Variants in RBFOX1 observed in about 807,000 individuals in gnomAD.
RBFOX1 encodes RNA binding protein fox-1 homolog 1.
In RBFOX1, 8 loss-of-function variants were observed where a neutral mutation model predicts 57.7. The observed-to-expected ratio is 0.14, with a 90% CI of 0.08 to 0.25. RBFOX1 has a LOEUF of 0.25. RBFOX1 is among the 10% of genes least tolerant of loss of function. The probability of loss-of-function intolerance (pLI) is 1.00; values close to 1 mark genes in which losing one functional copy is unlikely to be tolerated. For missense variants in RBFOX1, 611 were observed against 548.5 expected (o/e 1.11, Z -1.14); for synonymous variants, 326 against 222.4 (o/e 1.47, Z -4.15).
chr16:7,361,351 C>T (rs998023328), intron 4 of RBFOX1, among the ~76,000 whole-genome samples: 2 of 152,204 alleles, frequency 1.3e-5, no homozygotes, highest in African/African-American at 2.4e-5. Flanking sequence ...GAAAGCTTTG[C>T]ATTAAGCAGA....
intron 1 of RBFOX1, among the ~76,000 whole-genome samples, chr16:6,023,490 C>G (rs1456274907): frequency 6.6e-6 from 1 of 152,170 alleles, no homozygotes; most frequent in Non-Finnish European, 1.5e-5. Flanking sequence ...TTTCACCTTT[C>G]CAAAAATTAG....
chr16:6,566,888 C>T (rs1287776404), intron 2 of RBFOX1, among the ~76,000 whole-genome samples: 3 of 152,138 alleles, frequency 2.0e-5, no homozygotes, highest in African/African-American at 4.8e-5. Flanking sequence ...ATATTTTCCC[C>T]ATATCTTTTT....
At chr16:6,527,484 A>C (rs1366229486) in intron 2 of RBFOX1, among the ~76,000 whole-genome samples, 1 of 152,064 alleles carries the variant, frequency 6.6e-6, no homozygotes, top group Admixed American at 6.6e-5. Flanking sequence ...TAAATATTCA[A>C]GTTGAATGTA....
chr16:6,406,137 GT>G (rs2152960525), intron 2 of RBFOX1, among the ~76,000 whole-genome samples: 1 of 152,330 alleles, frequency 6.6e-6, no homozygotes, highest in Non-Finnish European at 1.5e-5. Context: ...TAAAGACCAT[GT>G]GTTTTACAAG....
intron 3 of RBFOX1, among the ~76,000 whole-genome samples, chr16:6,768,644 A>T (rs2077767401): frequency 6.6e-6 from 1 of 151,582 alleles, no homozygotes; most frequent in African/African-American, 2.4e-5. Context: ...ACCTGTATAT[A>T]TTCATTAGTA....
At chr16:7,110,229 A>G (rs2064446039) in intron 4 of RBFOX1, among the ~76,000 whole-genome samples, 1 of 149,456 alleles carries the variant, frequency 6.7e-6, no homozygotes, top group African/African-American at 2.5e-5. Context: ...GTGTGGCACC[A>G]CCCTCGTGTA....
At chr16:6,861,388 A>G (rs1477594948) in intron 3 of RBFOX1, among the ~76,000 whole-genome samples, 1 of 152,094 alleles carries the variant, frequency 6.6e-6, no homozygotes, top group Non-Finnish European at 1.5e-5. Context: ...CAAAAGATGG[A>G]CCAGTCAAGC....
chr16:6,327,227 T>A (rs2082479340), intron 2 of RBFOX1, among the ~76,000 whole-genome samples: 1 of 152,184 alleles, frequency 6.6e-6, no homozygotes, highest in Admixed American at 6.5e-5. Context: ...CATTGTTTTT[T>A]ATTCATGTTG....
intron 3 of RBFOX1, among the ~76,000 whole-genome samples, chr16:6,740,318 C>T (rs184877961): frequency 2.0e-5 from 3 of 152,212 alleles, no homozygotes; most frequent in Admixed American, 1.3e-4. Flanking sequence ...TATAATGGTA[C>T]AAATGAATGA....
Position 6,019,995 on chromosome 16 carries a change from A to T in RBFOX1, c.-127+3A>T. 1.3e-6 allele frequency: 2 copies of T among 1,524,268 alleles called. No individual in the cohort carries two copies. Among genetic ancestry groups the T allele is most frequent in the Non-Finnish European group, 1.8e-6 (2 of 1,139,158 alleles). 94.4% of individuals were successfully genotyped at this position (1,524,268 alleles called of 1,614,324 possible). A position where few individuals can be genotyped will look rare whatever the true frequency, so the allele number is the denominator to read the frequency against. The stretch of plus-strand genomic sequence containing the variant: ...GCCGGGCTCGCCGGGAGTTCTAGGT[A>T]AGTCCAGGCGGAGTCATTGCCTCTG... On this transcript the variant is annotated splice_donor_region_variant and intron_variant, in intron 1 of 15. Transcript: ENST00000550418. The surrounding 1 kb of genome is among the most constrained non-coding windows in gnomAD (Gnocchi z 4.2).
At chr16:7,493,739 C>G (rs145939602) in intron 4 of RBFOX1, among the ~76,000 whole-genome samples, 187 of 152,310 alleles carry the variant, frequency 1.2e-3, no homozygotes, top group African/African-American at 4.4e-3. Context: ...CTCCAGAGCC[C>G]TGGTGACACC....
At chr16:6,619,649 C>G (rs1049052848) in intron 2 of RBFOX1, among the ~76,000 whole-genome samples, 2 of 148,002 alleles carry the variant, frequency 1.4e-5, no homozygotes, top group South Asian at 2.1e-4. Context: ...CTGAGAAACT[C>G]TCTGCTTCTC....
intron 3 of RBFOX1, among the ~76,000 whole-genome samples, chr16:5,772,990 G>A (rs1001136450): frequency 6.6e-6 from 1 of 152,152 alleles, no homozygotes; most frequent in African/African-American, 2.4e-5. Context: ...TGTGTTCCAG[G>A]AAGCCTTCTG....
chr16:7,707,113 G>C (rs1187895693), intron 14 of RBFOX1, among the ~76,000 whole-genome samples: 1 of 152,188 alleles, frequency 6.6e-6, no homozygotes, highest in African/African-American at 2.4e-5. Context: ...CCTTGTTTGA[G>C]GATCAGGAGA....
At chr16:6,146,177 G>A (rs2096756692) in intron 1 of RBFOX1, among the ~76,000 whole-genome samples, 1 of 152,172 alleles carries the variant, frequency 6.6e-6, no homozygotes, top group Non-Finnish European at 1.5e-5. Context: ...TGGGTCTGGT[G>A]CTGTGGGAGG....
At position 5,904,908 on chromosome 16, in the gene RBFOX1, C is replaced by A. The variant is rs57351515; in HGVS notation, c.351+37573C>A. Among the ~76,000 whole-genome samples, 8 of 140,560 alleles carry A rather than the reference C, an allele frequency of 5.7e-5. 1 individual carries two copies. Among genetic ancestry groups the A allele is most frequent in the African/African-American group, 1.1e-4 (4 of 37,612 alleles). The allele number at this position is 140,560 out of a possible 152,430, so 92.2% of individuals were successfully genotyped here. A position where few individuals can be genotyped will look rare whatever the true frequency, so the allele number is the denominator to read the frequency against. On this transcript the variant is annotated intron_variant, in intron 4 of 19. Transcript: ENST00000641259. ...AGGAGAATGGCGTGAACCCGGGAGG[C>A]GGAGCTTGCAGTGAGCCGAGATCGC... is the stretch of plus-strand genomic sequence containing the variant.
chr16:5,785,690 G>C (rs556288165), intron 3 of RBFOX1, among the ~76,000 whole-genome samples: 1 of 152,040 alleles, frequency 6.6e-6, no homozygotes, highest in South Asian at 2.1e-4. Flanking sequence ...ACCATACCCG[G>C]CTAATTTTGT....
intron 3 of RBFOX1, among the ~76,000 whole-genome samples, chr16:7,023,673 G>T (rs992857580): frequency 1.3e-5 from 2 of 150,610 alleles, no homozygotes; most frequent in African/African-American, 4.9e-5. Context: ...CTCTGCCTAG[G>T]TTATCTCCCT....
At chr16:5,244,562 C>T (rs140916675) in intron 1 of RBFOX1, among the ~76,000 whole-genome samples, 57 of 152,368 alleles carry the variant, frequency 3.7e-4, no homozygotes, top group Non-Finnish European at 6.0e-4. Context: ...AGCTGGACTA[C>T]AGAGGCTGAA....
Sources: allele counts gnomAD v4.1 joint callset (sites outside exome capture counted in the v4.1 genomes callset), GRCh38; gene constraint gnomAD v4.1.1; non-coding constraint Gnocchi (gnomAD v3.1); transcripts MANE v1.5; gene names NCBI Gene and HGNC (gene_info 2026-07-23, HGNC 2026-07-21).